SEMA3C: variants seen among roughly 807,000 people sequenced by gnomAD.
SEMA3C encodes semaphorin-3C.
Under a neutral mutation model 89.4 loss-of-function variants are expected in SEMA3C, and 47 were observed. That is an observed-to-expected ratio of 0.53 (90% CI 0.42 to 0.67). The LOEUF (loss-of-function observed/expected upper bound fraction) is 0.67, where lower values mean the gene tolerates loss of function less well. SEMA3C is among the 30% of genes least tolerant of loss of function. The pLI is 0.00. For synonymous variants in SEMA3C, 310 were observed against 320.2 expected, an observed-to-expected ratio of 0.97 and a Z score of 0.34; for missense variants, 839 against 929.1, an observed-to-expected ratio of 0.90 and a Z score of 1.26.
At chr7:80,879,606 C>T (rs986769144) in intron 2 of SEMA3C, among the ~76,000 whole-genome samples, 6 of 152,124 alleles carry the variant, frequency 3.9e-5, no homozygotes, top group African/African-American at 1.4e-4. Context: ...CTGAGTTATG[C>T]TATAGAGTCT....
At position 80,760,462 on chromosome 7, in the gene SEMA3C, C is replaced by T. The variant is rs558021836; in HGVS notation, c.1485+1154G>A. ...TTAGACAAAATGACGAATGGCTTCTCGTTACTTGGGAAAATGTTTGTTATG... is the reference window on the plus strand; with the variant it reads ...TTAGACAAAATGACGAATGGCTTCTTGTTACTTGGGAAAATGTTTGTTATG... On this transcript the variant is annotated intron_variant, in intron 14 of 17. Transcript: ENST00000265361. Among the ~76,000 whole-genome samples, 379 of 152,230 alleles carry T rather than the reference C, an allele frequency of 2.5e-3. 2 individuals are homozygous for T. The highest frequency in any genetic ancestry group is 8.5e-3 in the African/African-American group (355 of 41,570).
chr7:80,866,191 T>A (rs1014829768), intron 2 of SEMA3C, among the ~76,000 whole-genome samples: 1 of 152,186 alleles, frequency 6.6e-6, no homozygotes, highest in African/African-American at 2.4e-5. Context: ...AATTTGCATA[T>A]AAGGAAACTG....
In SEMA3C at chr7:80,880,402, T is replaced by C. The variant is rs188337336; in HGVS notation, c.103+36277A>G. Among the ~76,000 whole-genome samples the C allele has an allele frequency of 8.6e-4, 131 of 152,264 alleles. 1 individual carries two copies. In the East Asian group the frequency reaches 0.023, roughly 26 times the overall value. ...GTTCTGTTCAAAGATGTATTCTGAG[T>C]CTCTAACTCAGTATCTGGCACATAG... On this transcript the variant is annotated intron_variant, in intron 2 of 17. Coordinates refer to ENST00000265361, the MANE Select transcript of SEMA3C (RefSeq NM_006379.5).
At chr7:80,856,749 C>T (rs1384236826) in intron 2 of SEMA3C, among the ~76,000 whole-genome samples, 1 of 152,234 alleles carries the variant, frequency 6.6e-6, no homozygotes, top group Non-Finnish European at 1.5e-5. Flanking sequence ...CTACAAACAT[C>T]TCTGCTGCTG....
intron 15 of SEMA3C, 45 bp downstream of exon 15, chr7:80,758,286 C>T: frequency 6.3e-7 from 1 of 1,583,006 alleles, no homozygotes; most frequent in Non-Finnish European, 8.6e-7. Flanking sequence ...TCTGTATTGT[C>T]TGGTGTCCTA....
chr7:80,782,821 A>G (rs972558316), intron 12 of SEMA3C, among the ~76,000 whole-genome samples: 3 of 152,208 alleles, frequency 2.0e-5, no homozygotes, highest in Non-Finnish European at 1.5e-5. Context: ...ACAATTCTTC[A>G]TATGATATTT....
At chr7:80,870,675 C>T (rs1416713967) in intron 2 of SEMA3C, among the ~76,000 whole-genome samples, 1 of 152,188 alleles carries the variant, frequency 6.6e-6, no homozygotes, top group African/African-American at 2.4e-5. Context: ...CAGTTGGTTG[C>T]CCAAGGTCAT....
chr7:80,883,816 C>G (rs1318550875), intron 2 of SEMA3C, among the ~76,000 whole-genome samples: 1 of 152,184 alleles, frequency 6.6e-6, no homozygotes, highest in African/African-American at 2.4e-5. Flanking sequence ...CATGAGACTT[C>G]AACAAAATGC....
At chr7:80,875,562 T>C (rs1415829713) in intron 2 of SEMA3C, among the ~76,000 whole-genome samples, 1 of 152,102 alleles carries the variant, frequency 6.6e-6, no homozygotes, top group Non-Finnish European at 1.5e-5. Context: ...ATAAACAATT[T>C]ACAAGTTTTA....
At chr7:80,772,941 C>T (rs1019333316) in intron 12 of SEMA3C, among the ~76,000 whole-genome samples, 1 of 152,120 alleles carries the variant, frequency 6.6e-6, no homozygotes, top group African/African-American at 2.4e-5. Context: ...AATACAGATG[C>T]TGGCTCCCAC....
chr7:80,748,278 T>TA (rs1343130313), intron 17 of SEMA3C, among the ~76,000 whole-genome samples: 1 of 152,216 alleles, frequency 6.6e-6, no homozygotes, highest in Admixed American at 6.5e-5. Context: ...CTCCCTTATT[T>TA]AAAAAAACCC....
chr7:80,770,745 C>T (rs1277510634), intron 12 of SEMA3C, among the ~76,000 whole-genome samples: 1 of 152,164 alleles, frequency 6.6e-6, no homozygotes, highest in African/African-American at 2.4e-5. Flanking sequence ...AAGAGCATAC[C>T]CTTGCCCCTG....
intron 2 of SEMA3C, among the ~76,000 whole-genome samples, chr7:80,836,630 A>G (rs1475077835): frequency 6.6e-6 from 1 of 152,168 alleles, no homozygotes; most frequent in African/African-American, 2.4e-5. Flanking sequence ...GAGAGCAGAG[A>G]TCATGCCACT....
intron 2 of SEMA3C, among the ~76,000 whole-genome samples, chr7:80,877,353 T>G (rs2116080362): frequency 6.6e-6 from 1 of 152,354 alleles, no homozygotes; most frequent in East Asian, 1.9e-4. Flanking sequence ...TTGTTAGTCA[T>G]GCCTACTGAA....
intron 4 of SEMA3C, among the ~76,000 whole-genome samples, chr7:80,826,418 C>T (rs1383459389): frequency 6.6e-6 from 1 of 152,112 alleles, no homozygotes; most frequent in Non-Finnish European, 1.5e-5. Flanking sequence ...CACCCAATTA[C>T]CATATTTCCA....
intron 2 of SEMA3C, among the ~76,000 whole-genome samples, chr7:80,908,938 C>T (rs1261656532): frequency 6.6e-6 from 1 of 152,024 alleles, no homozygotes; most frequent in African/African-American, 2.4e-5. Flanking sequence ...ATAAATAATG[C>T]ATTTAAAATG....
intron 2 of SEMA3C, among the ~76,000 whole-genome samples, chr7:80,865,316 T>G (rs1790899709): frequency 6.6e-6 from 1 of 152,190 alleles, no homozygotes; most frequent in African/African-American, 2.4e-5. Context: ...ACAATTAGAC[T>G]TAATAACACT....
intron 13 of SEMA3C, among the ~76,000 whole-genome samples, 181 bp downstream of exon 13, chr7:80,764,974 T>C (rs1261175742): frequency 6.6e-6 from 1 of 152,184 alleles, no homozygotes; most frequent in Non-Finnish European, 1.5e-5. Flanking sequence ...TGTAGGAAAA[T>C]ACTTTGCAAA....
At chr7:80,756,111 G>A (rs769287176) in intron 15 of SEMA3C, among the ~76,000 whole-genome samples, 8 of 152,094 alleles carry the variant, frequency 5.3e-5, no homozygotes, top group African/African-American at 1.2e-4. Context: ...CTCAATATCC[G>A]TGTGTGAACA....
Sources: allele counts gnomAD v4.1 joint callset (sites outside exome capture counted in the v4.1 genomes callset), GRCh38; gene constraint gnomAD v4.1.1; transcripts MANE v1.5; gene names NCBI Gene and HGNC (gene_info 2026-07-23, HGNC 2026-07-21).